The following IQSEC1 variants were observed in gnomAD, a reference collection of about 807,000 sequenced individuals.
IQSEC1 encodes IQ motif and Sec7 domain ArfGEF 1, also known as IQ motif and SEC7 domain-containing protein 1.
Under a neutral mutation model 91.0 loss-of-function variants are expected in IQSEC1, and 31 were observed. That is an observed-to-expected ratio of 0.34 (90% CI 0.26 to 0.46). The LOEUF (loss-of-function observed/expected upper bound fraction) is 0.46, where lower values mean the gene tolerates loss of function less well. Among genes scored for constraint, IQSEC1 ranks in the 20% least tolerant of loss-of-function variants. IQSEC1 has a pLI of 1.00. For missense variants in IQSEC1, 1,388 were observed against 1,575.6 expected (o/e 0.88, Z 2.02); for synonymous variants, 699 against 662.6 (o/e 1.05, Z -0.84).
Position 13,105,450 on chromosome 3 carries a change from C to T in IQSEC1, c.303-57928G>A, listed in dbSNP as rs79627237. The stretch of plus-strand genomic sequence containing the variant: ...CCGCTCCCACCAGTCCCACCCCTGC[C>T]GGCAGGGACAGAACCTCTGGCTTTG... On this transcript the variant is annotated intron_variant, in intron 2 of 15. Coordinates refer to the IQSEC1 transcript ENST00000648114. Among the ~76,000 whole-genome samples, 695 of 152,266 alleles carry T rather than the reference C, an allele frequency of 4.6e-3. 14 individuals carry two copies. In the East Asian group the frequency reaches 0.052, roughly 11 times the overall value.
intron 2 of IQSEC1, among the ~76,000 whole-genome samples, chr3:13,136,785 A>T (rs1276100575): frequency 6.6e-6 from 1 of 152,198 alleles, no homozygotes; most frequent in African/African-American, 2.4e-5. Flanking sequence ...CTGCATGTAG[A>T]TCGGGTGGAA....
chr3:13,025,263 G>A (rs1302273277), intron 1 of IQSEC1, among the ~76,000 whole-genome samples: 1 of 152,238 alleles, frequency 6.6e-6, no homozygotes, highest in African/African-American at 2.4e-5. Context: ...GGCCAAAGCC[G>A]GGCTCTGCAG....
intron 1 of IQSEC1, 64 bp from the exon 2 acceptor site, chr3:12,941,929 G>A (rs200220729): frequency 2.8e-5 from 39 of 1,416,864 alleles, no homozygotes; most frequent in Admixed American, 2.2e-4. Context: ...ACACCGGGCC[G>A]TGGGGCGTGA....
chr3:13,188,867 C>T (rs1357773043), intron 1 of IQSEC1, among the ~76,000 whole-genome samples: 1 of 152,232 alleles, frequency 6.6e-6, no homozygotes, highest in African/African-American at 2.4e-5. Flanking sequence ...GAAGGTTGAC[C>T]TGGATTGTTT....
In IQSEC1 at chr3:13,282,244, C is replaced by T. The variant is rs1456494164; in HGVS notation, c.272+467G>A. Among the ~76,000 whole-genome samples the T allele has an allele frequency of 2.6e-5, 4 of 152,198 alleles. No homozygotes were observed. The highest frequency in any genetic ancestry group is 5.9e-5 in the Non-Finnish European group (4 of 68,022). ...AGCGCAGAGTCCATTCCAGGGACAC[C>T]GCAACCCGCAAGCGACCCAGGCCCG... On this transcript the variant is annotated intron_variant, in intron 1 of 15. Transcript: ENST00000648114. The surrounding 1 kb of genome is among the most constrained non-coding windows in gnomAD (Gnocchi z 6.4).
intron 1 of IQSEC1, among the ~76,000 whole-genome samples, chr3:13,043,716 G>A (rs1321268736): frequency 6.6e-6 from 1 of 152,228 alleles, no homozygotes; most frequent in East Asian, 1.9e-4. Context: ...CGGCCCACTG[G>A]AGGAGCCTCG....
At chr3:13,099,769 G>C (rs1170594675) in intron 2 of IQSEC1, among the ~76,000 whole-genome samples, 3 of 152,210 alleles carry the variant, frequency 2.0e-5, no homozygotes, top group Non-Finnish European at 4.4e-5. Context: ...AGCAGTCCCT[G>C]TTCAAGCCCC....
chr3:13,202,677 G>A (rs1433788757), intron 1 of IQSEC1, among the ~76,000 whole-genome samples: 1 of 152,108 alleles, frequency 6.6e-6, no homozygotes, highest in African/African-American at 2.4e-5. Flanking sequence ...TTCAGTGTGG[G>A]AAAATGAAAA....
chr3:13,046,504 C>T (rs1039698692), intron 1 of IQSEC1, among the ~76,000 whole-genome samples: 5 of 152,238 alleles, frequency 3.3e-5, no homozygotes, highest in Non-Finnish European at 7.3e-5. Flanking sequence ...GCAACCCTGA[C>T]ACGTGGGGCC....
In IQSEC1 at chr3:12,913,437, G is replaced by A. The variant is rs748929612; in HGVS notation, c.2307C>T (p.Asp769=). 3.8e-6 allele frequency: 6 copies of A among 1,597,946 alleles called. No homozygotes were observed. Among genetic ancestry groups the A allele is most frequent in the South Asian group, 2.2e-5 (2 of 89,536 alleles). ...TGGGTGAGCCACATACCACCAGGAG[G>A]TCGTTGAACAGGAAGATTTCTCGCT... is the stretch of plus-strand genomic sequence containing the variant. The part of the protein sequence containing the change: ...LHQREIFLFN[D]LLVVTKIFQK... The change falls in exon 9 of 14, where the codon GAC becomes GAT. Residue 769 remains aspartate, a synonymous_variant. Coordinates refer to ENST00000613206, the MANE Select transcript of IQSEC1 (RefSeq NM_001134382.3).
chr3:13,093,473 C>G (rs1705902499), intron 2 of IQSEC1, among the ~76,000 whole-genome samples: 2 of 152,142 alleles, frequency 1.3e-5, no homozygotes, highest in African/African-American at 4.8e-5. Context: ...GCTCCACCTC[C>G]TGCCATGCGC....
intron 2 of IQSEC1, among the ~76,000 whole-genome samples, chr3:13,095,500 T>G (rs1705938856): frequency 6.6e-6 from 1 of 152,138 alleles, no homozygotes. Context: ...TGTTTCCTAC[T>G]TAATGCATAC....
chr3:12,901,440 G>T lies in IQSEC1; in HGVS notation c.2888C>A (p.Pro963His). 6.5e-7 allele frequency: 1 copy of T among 1,548,542 alleles called. No homozygotes were observed. The highest frequency in any genetic ancestry group is 1.4e-5 in the African/African-American group (1 of 73,120). ...ECPSRPHQTMPNSSSLLGSLF... is the reference protein window; with the variant it reads ...ECPSRPHQTMHNSSSLLGSLF... ...GGAGCCCAGGAGGGAAGATGAGTTG[G>T]GCATAGTCTGGTGTGGGCGAGATGG... The change falls in exon 14 of 14, where the codon CCC (proline) becomes CAC (histidine). Residue 963 changes from proline (P) to histidine (H), a missense_variant. Pro to His is a moderately conservative substitution (Grantham distance 77). This residue lies in a region of IQSEC1 where 329 missense variants were observed against 257.8 expected (regional missense o/e 1.28). Transcript: ENST00000613206.
At chr3:13,032,099 G>C (rs1436095705) in intron 1 of IQSEC1, among the ~76,000 whole-genome samples, 1 of 152,096 alleles carries the variant, frequency 6.6e-6, no homozygotes, top group Non-Finnish European at 1.5e-5. Context: ...ACACACCTGT[G>C]CTCGCATACA....
At chr3:13,263,439 G>GGGGGT (rs1553581065) in intron 1 of IQSEC1, among the ~76,000 whole-genome samples, 1 of 107,192 alleles carries the variant, frequency 9.3e-6, no homozygotes, top group Admixed American at 1.1e-4. Flanking sequence ...GGGGGGGGGG[G>GGGGGT]AAAGTACCTG....
At chr3:12,902,691 AAAAC>A in intron 13 of IQSEC1, 78 bp downstream of exon 13, 14 of 720,596 alleles carry the variant, frequency 1.9e-5, no homozygotes, top group Non-Finnish European at 2.8e-5. Flanking sequence ...AAAAAAAAAA[AAAAC>A]CAGGACAACA....
chr3:12,900,247 G>T lies in IQSEC1; in HGVS notation c.*736C>A. 1.0e-6 allele frequency: 1 copy of T among 984,828 alleles called. No individual in the cohort carries two copies. Among genetic ancestry groups the T allele is most frequent in the South Asian group, 4.7e-5 (1 of 21,276 alleles). The allele number at this position is 984,828 out of a possible 1,614,324, so 61.0% of individuals were successfully genotyped here. ...GCACAGTTAGTAATGATTGTGTAAA[G>T]ATTTTAGCCAGTCCTAGAGGGACTT... On this transcript the variant is annotated 3_prime_UTR_variant, in exon 14 of 14. Transcript: ENST00000613206.
intron 1 of IQSEC1, among the ~76,000 whole-genome samples, chr3:12,971,470 A>G (rs536245639): frequency 5.9e-5 from 9 of 152,252 alleles, no homozygotes; most frequent in Non-Finnish European, 1.3e-4. Context: ...CTGGTTAAGT[A>G]AATTGTATTA....
chr3:13,132,713 T>C (rs1426721923), intron 2 of IQSEC1, among the ~76,000 whole-genome samples: 2 of 152,210 alleles, frequency 1.3e-5, no homozygotes, highest in African/African-American at 2.4e-5. Flanking sequence ...GTCCAGGGTG[T>C]TGAAAACTTG....
Sources: gnomAD v4.1 joint callset for allele counts (sites outside exome capture counted in the v4.1 genomes callset) on GRCh38, gnomAD v4.1.1 for gene constraint, gnomAD v4.1.1 regional missense constraint, Gnocchi (gnomAD v3.1) non-coding constraint, MANE v1.5 for transcripts, NCBI Gene and HGNC (gene_info 2026-07-23, HGNC 2026-07-21) for gene names.